Variants in GLMN observed in about 807,000 individuals in gnomAD.
The protein encoded by GLMN is glomulin.
GLMN carries 75 observed loss-of-function variants against 87.8 expected under a neutral mutation model. That is an observed-to-expected ratio of 0.85 (90% CI 0.71 to 1.04). GLMN has a LOEUF of 1.04. Among genes scored for constraint, GLMN ranks in the 50% least tolerant of loss-of-function variants. The pLI is 0.00. For missense variants in GLMN, 588 were observed against 658.8 expected, an observed-to-expected ratio of 0.89 and a Z score of 1.18; for synonymous variants, 206 against 221.6, an observed-to-expected ratio of 0.93 and a Z score of 0.63.
At chr1:92,299,034 A>G (rs1323188423), upstream of GLMN, 5 of 1,246,854 alleles carry the variant, frequency 4.0e-6, no homozygotes, top group African/African-American at 3.1e-5. Flanking sequence ...TCGGGGCGAG[A>G]CGCCGGAGCG....
the GLMN span, among the ~76,000 whole-genome samples, chr1:92,352,773 T>C: frequency 1.3e-5 from 2 of 152,328 alleles, no homozygotes; most frequent in Admixed American, 1.3e-4. Flanking sequence ...ATTCACTGTG[T>C]TGTACAACTA....
At chr1:92,345,942 A>G in the GLMN span, 10 of 1,453,532 alleles carry the variant, frequency 6.9e-6, no homozygotes, top group South Asian at 1.2e-5. Flanking sequence ...TTTTAACTCT[A>G]AATACTAAAT....
At chr1:92,260,627 A>T (rs1654908927) in intron 16 of GLMN, among the ~76,000 whole-genome samples, 1 of 151,682 alleles carries the variant, frequency 6.6e-6, no homozygotes, top group African/African-American at 2.4e-5. Context: ...GAAAAAAAAG[A>T]AGTGCCTGTA....
At chr1:92,246,915 C>G (rs959415071) in intron 18 of GLMN, 147 bp downstream of exon 18, 17 of 710,878 alleles carry the variant, frequency 2.4e-5, no homozygotes, top group South Asian at 2.2e-4. Flanking sequence ...CCTGGCTAAT[C>G]AGGAATCTGA....
the GLMN span, among the ~76,000 whole-genome samples, chr1:92,312,883 G>A: frequency 2.0e-5 from 3 of 150,766 alleles, no homozygotes; most frequent in East Asian, 2.0e-4. Context: ...GTGCAGTGGC[G>A]CGATCTTGGC....
chr1:92,275,272 A>G (rs539090863), intron 7 of GLMN, among the ~76,000 whole-genome samples: 1 of 152,272 alleles, frequency 6.6e-6, no homozygotes, highest in Admixed American at 6.5e-5. Flanking sequence ...TAGAAATCTG[A>G]GGCCAGTGGG....
chr1:92,268,976 T>C (rs905202248), intron 9 of GLMN, among the ~76,000 whole-genome samples: 1 of 150,790 alleles, frequency 6.6e-6, no homozygotes, highest in Non-Finnish European at 1.5e-5. Context: ...TGGACTGCAG[T>C]GGCATGATCT....
At chr1:92,273,855 A>G (rs1439313621) in intron 7 of GLMN, among the ~76,000 whole-genome samples, 1 of 152,006 alleles carries the variant, frequency 6.6e-6, no homozygotes, top group East Asian at 1.9e-4. Context: ...GGCCTTCACT[A>G]TCTATCCACA....
chr1:92,303,367 T>A (rs1482250345), upstream of GLMN, among the ~76,000 whole-genome samples: 1 of 152,182 alleles, frequency 6.6e-6, no homozygotes, highest in Non-Finnish European at 1.5e-5. Flanking sequence ...CAGAAAAACT[T>A]GTTAAAAGAT....
intron 16 of GLMN, among the ~76,000 whole-genome samples, chr1:92,260,767 A>AG (rs1654941476): frequency 6.9e-6 from 1 of 145,310 alleles, no homozygotes; most frequent in Non-Finnish European, 1.5e-5. Flanking sequence ...TTGAGATGGA[A>AG]AAAAAAAAAA....
the GLMN span, among the ~76,000 whole-genome samples, chr1:92,304,971 C>T: frequency 4.6e-5 from 7 of 151,720 alleles, no homozygotes; most frequent in Non-Finnish European, 8.8e-5. Context: ...CCTGTCTCTA[C>T]AAAAAGTACA....
At chr1:92,364,487 C>G in the GLMN span, among the ~76,000 whole-genome samples, 2 of 152,056 alleles carry the variant, frequency 1.3e-5, no homozygotes, top group Non-Finnish European at 2.9e-5. Flanking sequence ...TCTCCTAAAT[C>G]GTAGACCAAA....
At chr1:92,266,863 G>A (rs1193274429) in intron 11 of GLMN, 122 bp from the exon 12 acceptor site, 3 of 665,300 alleles carry the variant, frequency 4.5e-6, no homozygotes, top group Non-Finnish European at 7.9e-6. Context: ...ATTTAAAAGT[G>A]AAGTAAATTA....
upstream of GLMN, chr1:92,300,163 T>C (rs1650711375): frequency 1.3e-6 from 2 of 1,521,416 alleles, no homozygotes; most frequent in Non-Finnish European, 1.8e-6. Flanking sequence ...GAAATGTCAT[T>C]ATGTAGCACA....
At chr1:92,355,522 A>G in the GLMN span, among the ~76,000 whole-genome samples, 3 of 152,234 alleles carry the variant, frequency 2.0e-5, no homozygotes, top group East Asian at 5.8e-4. Context: ...GACACTGTCC[A>G]AGTGTTATAC....
In GLMN at chr1:92,290,225, G is replaced by T; in HGVS notation, c.367C>A (p.Leu123Ile). The T allele has an allele frequency of 6.2e-7, 1 of 1,604,262 alleles. No homozygotes were observed. Among genetic ancestry groups the T allele is most frequent in the South Asian group, 1.1e-5 (1 of 90,906 alleles). Residue 123 changes from leucine to isoleucine, a missense_variant, in exon 5 of 19, where the codon CTT becomes ATT. Physicochemically the swap from Leu to Ile is conservative, Grantham distance 5 (BLOSUM62 2). Transcript: ENST00000370360. ...PSGKQISQSI[L>I]LLLQPLQTVI... ...GTTTGTAATGGCTGAAGCAAAAGAA[G>T]AATACTTTGGGATATCTGTTTTCCA... is the stretch of plus-strand genomic sequence containing the variant.
chr1:92,249,856 G>GT (rs1463748525), intron 16 of GLMN, among the ~76,000 whole-genome samples: 1 of 152,070 alleles, frequency 6.6e-6, no homozygotes, highest in Non-Finnish European at 1.5e-5. Flanking sequence ...GCTCACACAT[G>GT]TGAGAATATG....
chr1:92,368,638 A>T, the GLMN span, among the ~76,000 whole-genome samples: 2 of 152,210 alleles, frequency 1.3e-5, no homozygotes, highest in Non-Finnish European at 2.9e-5. Context: ...TTTAATTAAA[A>T]ATCTCTCTCT....
intron 16 of GLMN, among the ~76,000 whole-genome samples, chr1:92,250,217 G>A (rs1439884238): frequency 6.6e-6 from 1 of 151,966 alleles, no homozygotes; most frequent in Non-Finnish European, 1.5e-5. Flanking sequence ...ATAAATACTA[G>A]ATATGGCTGA....
Sources: gnomAD v4.1 joint callset for allele counts (sites outside exome capture counted in the v4.1 genomes callset) on GRCh38, gnomAD v4.1.1 for gene constraint, MANE v1.5 for transcripts, NCBI Gene and HGNC (gene_info 2026-07-23, HGNC 2026-07-21) for gene names.